NEGR1: variants seen among roughly 807,000 people sequenced by gnomAD.
The protein encoded by NEGR1 is neuronal growth regulator 1.
Under a neutral mutation model 40.9 loss-of-function variants are expected in NEGR1, and 10 were observed. That is an observed-to-expected ratio of 0.24 (90% CI 0.15 to 0.42). The LOEUF (loss-of-function observed/expected upper bound fraction) is 0.42. Among genes scored for constraint, NEGR1 ranks in the 10% least tolerant of loss-of-function variants. The pLI is 1.00. For synonymous variants in NEGR1, 185 were observed against 166.8 expected (o/e 1.11, Z -0.84); for missense variants, 352 against 438.9 (o/e 0.80, Z 1.77).
chr1:71,494,793 T>G (rs1222626549), intron 6 of NEGR1, among the ~76,000 whole-genome samples: 1 of 152,140 alleles, frequency 6.6e-6, no homozygotes, highest in Non-Finnish European at 1.5e-5. Flanking sequence ...CTTCCCTCAC[T>G]GATGTTGCTT....
intron 1 of NEGR1, among the ~76,000 whole-genome samples, chr1:72,031,312 T>C (rs1264084160): frequency 6.6e-6 from 1 of 152,166 alleles, no homozygotes; most frequent in Admixed American, 6.5e-5. Flanking sequence ...AGGAAGTGGA[T>C]GTAAGATGGA....
At chr1:71,627,396 T>C (rs965257424) in intron 4 of NEGR1, among the ~76,000 whole-genome samples, 5 of 152,066 alleles carry the variant, frequency 3.3e-5, no homozygotes, top group South Asian at 2.1e-4. Flanking sequence ...GGCATCGGAG[T>C]TCTAGAAAAA....
intron 1 of NEGR1, among the ~76,000 whole-genome samples, chr1:72,122,722 G>A (rs552018367): frequency 8.6e-5 from 13 of 151,802 alleles, no homozygotes; most frequent in Admixed American, 5.9e-4. Context: ...TCCCATGGTA[G>A]CAATTTTTAA....
intron 1 of NEGR1, among the ~76,000 whole-genome samples, chr1:72,216,092 G>A (rs1653796229): frequency 6.6e-6 from 1 of 151,738 alleles, no homozygotes; most frequent in African/African-American, 2.4e-5. Flanking sequence ...ATCATTCTCA[G>A]CAAACTAACA....
intron 1 of NEGR1, among the ~76,000 whole-genome samples, chr1:72,232,234 G>A (rs1654390632): frequency 6.6e-6 from 1 of 151,896 alleles, no homozygotes; most frequent in Non-Finnish European, 1.5e-5. Flanking sequence ...GTGCGTGCCT[G>A]TAATCCCAGC....
chr1:72,198,174 T>A (rs1326502619), intron 1 of NEGR1, among the ~76,000 whole-genome samples: 1 of 152,026 alleles, frequency 6.6e-6, no homozygotes, highest in Admixed American at 6.6e-5. Context: ...ATACCATATT[T>A]CTAGCCTCCT....
chr1:71,560,877 A>T (rs1648433871), intron 6 of NEGR1, among the ~76,000 whole-genome samples: 1 of 151,448 alleles, frequency 6.6e-6, no homozygotes, highest in Non-Finnish European at 1.5e-5. Flanking sequence ...TAAAGGGAAA[A>T]ATTCTCAAAA....
chr1:72,144,053 C>A (rs1171637222), intron 1 of NEGR1, among the ~76,000 whole-genome samples: 1 of 131,640 alleles, frequency 7.6e-6, no homozygotes, highest in Non-Finnish European at 1.6e-5. Flanking sequence ...AGTATTATAT[C>A]CCTCAAATGC....
intron 1 of NEGR1, among the ~76,000 whole-genome samples, chr1:72,039,322 G>A (rs1251322664): frequency 6.6e-6 from 1 of 151,936 alleles, no homozygotes; most frequent in Non-Finnish European, 1.5e-5. Flanking sequence ...GGGCATATAA[G>A]TGTTTCAAAA....
chr1:72,077,626 CAATAAATA>C lies in NEGR1; in HGVS notation c.177-142323_177-142316del, dbSNP rs3080202. Among the ~76,000 whole-genome samples, 213 of 146,936 alleles carry C rather than the reference CAATAAATA, an allele frequency of 1.4e-3. 1 individual carries two copies. Among genetic ancestry groups the C allele is most frequent in the African/African-American group, 4.1e-3 (164 of 39,692 alleles). Reference sequence around the variant, plus strand: ...GCAACACACTGAAACTCTGTCTCTACAATAAATAAATAAATAAATAAATAAATAAATAA... The same window carrying C: ...GCAACACACTGAAACTCTGTCTCTACAATAAATAAATAAATAAATAAATAA... On this transcript the variant is annotated intron_variant, in intron 1 of 6. Coordinates refer to ENST00000357731, the MANE Select transcript of NEGR1 (RefSeq NM_173808.3).
At chr1:71,941,672 T>C (rs1274925595) in intron 1 of NEGR1, among the ~76,000 whole-genome samples, 2 of 152,184 alleles carry the variant, frequency 1.3e-5, no homozygotes, top group Non-Finnish European at 2.9e-5. Flanking sequence ...TTTTAAAATA[T>C]GTTCTGGTGA....
intron 2 of NEGR1, among the ~76,000 whole-genome samples, chr1:71,876,523 GAA>G (rs889581480): frequency 6.6e-6 from 1 of 150,498 alleles, no homozygotes; most frequent in African/African-American, 2.4e-5. Flanking sequence ...AAGGAAGAAA[GAA>G]GAGAGAGAGA....
At chr1:71,681,423 A>C (rs1470577915) in intron 4 of NEGR1, among the ~76,000 whole-genome samples, 1 of 152,186 alleles carries the variant, frequency 6.6e-6, no homozygotes, top group Non-Finnish European at 1.5e-5. Flanking sequence ...TATTACTATG[A>C]TTCTGTCTTC....
intron 1 of NEGR1, among the ~76,000 whole-genome samples, chr1:72,040,151 A>T (rs1386640748): frequency 1.3e-5 from 2 of 151,998 alleles, no homozygotes; most frequent in Admixed American, 1.3e-4. Flanking sequence ...TCTAGTATGT[A>T]TTACAATTCT....
chr1:71,999,672 TATATATAC>T lies in NEGR1; in HGVS notation c.177-64369_177-64362del, dbSNP rs1422842615. Among the ~76,000 whole-genome samples, 69 of 51,778 alleles carry T rather than the reference TATATATAC, an allele frequency of 1.3e-3. 3 individuals carry two copies. Among genetic ancestry groups the T allele is most frequent in the African/African-American group, 3.5e-3 (60 of 17,038 alleles). 34.0% of individuals were successfully genotyped at this position (51,778 alleles called of 152,430 possible). ...ATATATATATATATATATATATATA[TATATATAC>T]ATACATATTTTTGTCCGGTCTCGGA... is the stretch of plus-strand genomic sequence containing the variant. On this transcript the variant is annotated intron_variant, in intron 1 of 6. Coordinates refer to ENST00000357731, the MANE Select transcript of NEGR1 (RefSeq NM_173808.3).
intron 3 of NEGR1, among the ~76,000 whole-genome samples, chr1:71,706,410 T>G (rs2101637891): frequency 6.6e-6 from 1 of 152,058 alleles, no homozygotes; most frequent in African/African-American, 2.4e-5. Flanking sequence ...GTGTATGCCA[T>G]AAGGACTGCA....
At position 72,222,870 on chromosome 1, in the gene NEGR1, G is replaced by C. The variant is rs369475043; in HGVS notation, c.176+59449C>G. The stretch of plus-strand genomic sequence containing the variant: ...CAACAATCCCAGTTGTTCCAGACTT[G>C]AGTCATTCCCAACCCAGGTGTCAGA... On this transcript the variant is annotated intron_variant, in intron 1 of 6. Coordinates refer to ENST00000357731, the MANE Select transcript of NEGR1 (RefSeq NM_173808.3). 2.6e-5 allele frequency among the ~76,000 whole-genome samples: 4 copies of C among 152,070 alleles called. No individual in the cohort carries two copies. The East Asian group carries it at 7.7e-4, about 29-fold the overall frequency.
chr1:71,736,003 A>G (rs1299873386), intron 3 of NEGR1, among the ~76,000 whole-genome samples: 2 of 152,122 alleles, frequency 1.3e-5, no homozygotes, highest in Non-Finnish European at 2.9e-5. Flanking sequence ...GAGAATATTG[A>G]CAGAGTTCCT....
intron 1 of NEGR1, among the ~76,000 whole-genome samples, chr1:72,059,893 G>C (rs1334567330): frequency 6.6e-6 from 1 of 151,420 alleles, no homozygotes; most frequent in East Asian, 1.9e-4. Flanking sequence ...AGTAACATTT[G>C]GAAAACAAAG....
Sources: gnomAD v4.1 joint callset for allele counts (sites outside exome capture counted in the v4.1 genomes callset) on GRCh38, gnomAD v4.1.1 for gene constraint, MANE v1.5 for transcripts, NCBI Gene and HGNC (gene_info 2026-07-23, HGNC 2026-07-21) for gene names.